The following HPSE variants were observed in gnomAD, a reference collection of about 807,000 sequenced individuals.
The protein encoded by HPSE is endo-glucoronidase.
A neutral mutation model predicts 65.1 loss-of-function variants in HPSE; 48 were observed. The observed-to-expected ratio is 0.74, with a 90% CI of 0.58 to 0.94. HPSE has a LOEUF of 0.94. Among genes scored for constraint, HPSE ranks in the 40% least tolerant of loss-of-function variants. HPSE has a pLI of 0.00. For missense variants in HPSE, 644 were observed against 637.5 expected (o/e 1.01, Z -0.11); for synonymous variants, 243 against 260.0 (o/e 0.93, Z 0.63).
At position 83,325,025 on chromosome 4, in the gene HPSE, G is replaced by A. The variant is rs551031603; in HGVS notation, c.228-2661C>T. ...AGGAGAGAATTATGCCAGGATGATAGCAATGGTCATTATGTGGTGAGCTAG... is the reference window on the plus strand; with the variant it reads ...AGGAGAGAATTATGCCAGGATGATAACAATGGTCATTATGTGGTGAGCTAG... On this transcript the variant is annotated intron_variant, in intron 1 of 11. Coordinates refer to ENST00000311412, the MANE Select transcript of HPSE (RefSeq NM_001098540.3). 1.2e-4 allele frequency among the ~76,000 whole-genome samples: 18 copies of A among 152,216 alleles called. No homozygotes were observed. The East Asian group carries it at 2.9e-3, about 24-fold the overall frequency.
chr4:83,330,943 G>A (rs577170583), intron 1 of HPSE, among the ~76,000 whole-genome samples: 2 of 152,276 alleles, frequency 1.3e-5, no homozygotes, highest in South Asian at 2.1e-4. Context: ...AGTGGCTCAC[G>A]CCTGTAATCC....
At chr4:83,319,791 T>C (rs1261612230) in intron 2 of HPSE, among the ~76,000 whole-genome samples, 1 of 152,132 alleles carries the variant, frequency 6.6e-6, no homozygotes, top group African/African-American at 2.4e-5. Flanking sequence ...CCGGGTGCAG[T>C]GGCTCACACC....
chr4:83,322,326 G>A lies in HPSE; in HGVS notation c.266C>T (p.Pro89Leu), dbSNP rs766025621. The change falls in exon 2 of 12, where the codon CCT (proline) becomes CTT (leucine). Residue 89 changes from proline to leucine, a missense_variant. Coordinates refer to ENST00000311412, the MANE Select transcript of HPSE (RefSeq NM_001098540.3). ...GGTGCCACCAAACCTCAGGTACGCA[G>A]GAGACAAGCCTCTGGCCAAGGTACG... ...KLRTLARGLS[P>L]AYLRFGGTKT... 1 of 1,613,788 alleles carries A rather than the reference G, an allele frequency of 6.2e-7. No individual in the cohort carries two copies. The highest frequency in any genetic ancestry group is 1.1e-5 in the South Asian group (1 of 91,012).
intron 1 of HPSE, among the ~76,000 whole-genome samples, chr4:83,331,339 A>G (rs187077934): frequency 1.5e-3 from 231 of 152,350 alleles, no homozygotes; most frequent in African/African-American, 4.9e-3. Flanking sequence ...ACATGCTGAG[A>G]AAACATTTTG....
At chr4:83,330,457 C>G (rs990370024) in intron 1 of HPSE, among the ~76,000 whole-genome samples, 4 of 152,218 alleles carry the variant, frequency 2.6e-5, no homozygotes, top group African/African-American at 9.6e-5. Context: ...TGTCCCCAGC[C>G]CTTTGTTTCC....
At chr4:83,330,620 G>GA (rs1433384976) in intron 1 of HPSE, among the ~76,000 whole-genome samples, 1 of 152,192 alleles carries the variant, frequency 6.6e-6, no homozygotes, top group Non-Finnish European at 1.5e-5. Flanking sequence ...ATCTAATATT[G>GA]AAAGTTTTTA....
intron 1 of HPSE, among the ~76,000 whole-genome samples, chr4:83,334,272 A>G (rs1737519614): frequency 6.6e-6 from 1 of 152,196 alleles, no homozygotes; most frequent in Non-Finnish European, 1.5e-5. Context: ...TGACAGTTAC[A>G]CTAAGAGCCC....
chr4:83,305,579 T>C (rs921979431), intron 9 of HPSE, among the ~76,000 whole-genome samples: 1 of 152,338 alleles, frequency 6.6e-6, no homozygotes, highest in South Asian at 2.1e-4. Context: ...AAAATCAAGG[T>C]CATGCTTCTC....
In HPSE at chr4:83,334,547, G is replaced by T. The variant is rs372436936; in HGVS notation, c.227+9C>A. The T allele has an allele frequency of 1.1e-4, 165 of 1,569,280 alleles. No individual in the cohort carries two copies. Among genetic ancestry groups the T allele is most frequent in the Admixed American group, 1.9e-4 (10 of 53,248 alleles). ...GGAAAGGGGACAGGACCAGGAGGCT[G>T]GCGCTTACCCCAGGAGGATGAGGAA... On this transcript the variant is annotated intron_variant, in intron 1 of 11. Coordinates refer to ENST00000311412, the MANE Select transcript of HPSE (RefSeq NM_001098540.3).
chr4:83,310,101 A>C, intron 5 of HPSE, 23 bp from the exon 6 acceptor site: 4 of 1,548,744 alleles, frequency 2.6e-6, no homozygotes, highest in Non-Finnish European at 3.6e-6. Context: ...TTTTATTATC[A>C]CTCAGTCATA....
In HPSE at chr4:83,295,040, G is replaced by C. The variant is rs557937739; in HGVS notation, c.*304C>G. On this transcript the variant is annotated 3_prime_UTR_variant, in exon 12 of 12. Transcript: ENST00000311412. ...ATGGCACTCCAGCCTGGGTGACAGA[G>C]AGAGATTCTGTCTCAAAATAAATAA... 1 of 156,466 alleles carries C rather than the reference G, an allele frequency of 6.4e-6. No homozygotes were observed. Among genetic ancestry groups the C allele is most frequent in the African/African-American group, 2.4e-5 (1 of 41,744 alleles). 9.7% of individuals were successfully genotyped at this position (156,466 alleles called of 1,614,324 possible).
chr4:83,313,629 A>G (rs920866688), intron 3 of HPSE, among the ~76,000 whole-genome samples: 1 of 152,164 alleles, frequency 6.6e-6, no homozygotes, highest in Non-Finnish European at 1.5e-5. Context: ...GTTAGCATAA[A>G]CCCCACTCTT....
chr4:83,317,454 C>T (rs1258804459), intron 3 of HPSE, among the ~76,000 whole-genome samples: 8 of 152,124 alleles, frequency 5.3e-5, no homozygotes, highest in South Asian at 2.1e-4. Context: ...CTGAAAATTT[C>T]GAGCCAGAAA....
Position 83,322,792 on chromosome 4 carries a change from TGTGTGTG to T in HPSE, c.228-435_228-429del, listed in dbSNP as rs1560514364. 4.3e-3 allele frequency among the ~76,000 whole-genome samples: 496 copies of T among 114,918 alleles called. 4 individuals carry two copies. The highest frequency in any genetic ancestry group is 9.0e-3 in the Middle Eastern group (2 of 222). The allele number at this position is 114,918 out of a possible 152,430, so 75.4% of individuals were successfully genotyped here. ...TCTAATTCTGGCAAGAGCTTGTTTG[TGTGTGTG>T]TGTGTGTGTGTGTGTGTGTGTGTGT... On this transcript the variant is annotated intron_variant, in intron 1 of 11. Transcript: ENST00000311412.
At chr4:83,313,023 A>C in intron 4 of HPSE, 91 bp downstream of exon 4, 1 of 510,354 alleles carries the variant, frequency 2.0e-6, no homozygotes, top group Non-Finnish European at 2.9e-6. Context: ...CTCTGTCTCA[A>C]AAAAAAAAAA....
chr4:83,328,883 A>G (rs1737254457), intron 1 of HPSE, among the ~76,000 whole-genome samples: 1 of 152,166 alleles, frequency 6.6e-6, no homozygotes, highest in South Asian at 2.1e-4. Flanking sequence ...GATTCAGGGC[A>G]GAAATGGAAG....
intron 11 of HPSE, among the ~76,000 whole-genome samples, chr4:83,300,342 A>G (rs1165417021): frequency 6.6e-6 from 1 of 152,198 alleles, no homozygotes; most frequent in Non-Finnish European, 1.5e-5. Context: ...ATAAAGGTAT[A>G]TTTTGCTTTA....
intron 1 of HPSE, among the ~76,000 whole-genome samples, chr4:83,327,226 T>C (rs1462227556): frequency 3.3e-5 from 5 of 152,136 alleles, no homozygotes; most frequent in East Asian, 1.9e-4. Flanking sequence ...GATGTAAGGG[T>C]AAGTCGCTGC....
intron 9 of HPSE, 133 bp downstream of exon 9, chr4:83,306,070 G>C (rs768259402): frequency 7.0e-6 from 4 of 575,306 alleles, no homozygotes; most frequent in East Asian, 2.9e-5. Context: ...GCTATCTAAG[G>C]CTCCTTCTAA....
Sources: gnomAD v4.1 joint callset for allele counts (sites outside exome capture counted in the v4.1 genomes callset) on GRCh38, gnomAD v4.1.1 for gene constraint, MANE v1.5 for transcripts, NCBI Gene and HGNC (gene_info 2026-07-23, HGNC 2026-07-21) for gene names.